RHBDL2: variants seen among roughly 807,000 people sequenced by gnomAD.
RHBDL2 encodes the protein rhomboid-related protein 2.
A neutral mutation model predicts 31.7 loss-of-function variants in RHBDL2; 26 were observed. The observed-to-expected ratio is 0.82, with a 90% CI of 0.60 to 1.14. The LOEUF (loss-of-function observed/expected upper bound fraction) is 1.14. Ranked by LOEUF, RHBDL2 falls within the 50% of genes most tolerant of loss-of-function variation. The pLI is 0.00. For missense variants in RHBDL2, 336 were observed against 364.4 expected, an observed-to-expected ratio of 0.92 and a Z score of 0.63; for synonymous variants, 123 against 127.2, an observed-to-expected ratio of 0.97 and a Z score of 0.22.
chr1:38,910,753 C>CTTTTTTTTTT (rs765064879), intron 4 of RHBDL2, among the ~76,000 whole-genome samples: 28 of 111,058 alleles, frequency 2.5e-4, no homozygotes, highest in African/African-American at 4.0e-4. Flanking sequence ...TATTCCTTTT[C>CTTTTTTTTTT]TTTTTTTTTT....
intron 4 of RHBDL2, among the ~76,000 whole-genome samples, chr1:38,905,659 C>T: frequency 6.8e-6 from 1 of 146,922 alleles, no homozygotes; most frequent in Non-Finnish European, 1.5e-5. Context: ...GGCTGAGACA[C>T]AAGAATTGCT....
intron 4 of RHBDL2, among the ~76,000 whole-genome samples, chr1:38,896,563 C>T (rs1213065046): frequency 6.6e-6 from 1 of 152,144 alleles, no homozygotes; most frequent in East Asian, 1.9e-4. Flanking sequence ...ATTATTTTTG[C>T]ATCAACCTAA....
intron 1 of RHBDL2, among the ~76,000 whole-genome samples, chr1:38,930,106 G>A (rs141203654): frequency 5.3e-5 from 8 of 152,184 alleles, no homozygotes; most frequent in East Asian, 3.9e-4. Context: ...TCCACTCTGC[G>A]TCAAAAGTTT....
chr1:38,923,226 A>C (rs1643337303), intron 1 of RHBDL2, among the ~76,000 whole-genome samples: 1 of 152,258 alleles, frequency 6.6e-6, no homozygotes, highest in African/African-American at 2.4e-5. Context: ...TTAAAAGCAT[A>C]TACCTTTCAA....
chr1:38,888,390 T>A (rs1642813338), intron 6 of RHBDL2, among the ~76,000 whole-genome samples: 1 of 152,088 alleles, frequency 6.6e-6, no homozygotes, highest in Admixed American at 6.6e-5. Context: ...AACAAATAAG[T>A]AAAACATACA....
intron 1 of RHBDL2, among the ~76,000 whole-genome samples, chr1:38,923,369 C>T (rs1048214501): frequency 2.0e-5 from 3 of 152,188 alleles, no homozygotes; most frequent in Non-Finnish European, 4.4e-5. Context: ...TGGACTTCAG[C>T]GGGGTTGCTG....
chr1:38,926,950 G>C (rs1287128956), intron 1 of RHBDL2: 1 of 152,300 alleles, frequency 6.6e-6, no homozygotes, highest in African/African-American at 2.4e-5. Flanking sequence ...AAGATGACAC[G>C]CAAATTCGTG....
chr1:38,922,836 A>G (rs1643331433), intron 1 of RHBDL2, among the ~76,000 whole-genome samples: 1 of 152,200 alleles, frequency 6.6e-6, no homozygotes, highest in Non-Finnish European at 1.5e-5. Flanking sequence ...TCATGCCTGT[A>G]ATACCAGCAC....
At chr1:38,901,831 C>CA (rs1232948264) in intron 4 of RHBDL2, among the ~76,000 whole-genome samples, 2 of 143,304 alleles carry the variant, frequency 1.4e-5, no homozygotes, top group African/African-American at 2.5e-5. Flanking sequence ...GACTCCATCT[C>CA]AAAAAAAATA....
At position 38,941,754 on chromosome 1, in the gene RHBDL2, G is replaced by A. The variant is rs562042687; in HGVS notation, c.-198C>T. The A allele has an allele frequency of 6.6e-6, 1 of 152,628 alleles. No individual in the cohort carries two copies. The highest frequency in any genetic ancestry group is 2.1e-4 in the South Asian group (1 of 4,844). The allele number at this position is 152,628 out of a possible 1,614,324, so 9.5% of individuals were successfully genotyped here. A position where few individuals can be genotyped will look rare whatever the true frequency, so the allele number is the denominator to read the frequency against. ...TGCGTTCCAGGCTTCCTGGGCCAAGGGGTTGCCCGCTGCCCTGAAGATCCC... is the reference window on the plus strand; with the variant it reads ...TGCGTTCCAGGCTTCCTGGGCCAAGAGGTTGCCCGCTGCCCTGAAGATCCC... On this transcript the variant is annotated 5_prime_UTR_variant, in exon 1 of 8. Transcript: ENST00000372990.
chr1:38,908,997 C>T (rs1643105514), intron 4 of RHBDL2, among the ~76,000 whole-genome samples: 1 of 152,208 alleles, frequency 6.6e-6, no homozygotes, highest in African/African-American at 2.4e-5. Context: ...GGCCACTCGG[C>T]AGCCCGGGAT....
intron 3 of RHBDL2, among the ~76,000 whole-genome samples, chr1:38,911,864 T>G (rs1050561057): frequency 6.6e-6 from 1 of 152,010 alleles, no homozygotes; most frequent in Non-Finnish European, 1.5e-5. Context: ...TGGAGTGCAA[T>G]GGCATGATCT....
intron 4 of RHBDL2, among the ~76,000 whole-genome samples, chr1:38,898,567 G>A (rs1209248382): frequency 6.6e-6 from 1 of 152,184 alleles, no homozygotes; most frequent in East Asian, 1.9e-4. Flanking sequence ...AACCCTTAGA[G>A]ACAGGGAATC....
At chr1:38,928,726 A>G (rs1643407140) in intron 1 of RHBDL2, among the ~76,000 whole-genome samples, 1 of 152,232 alleles carries the variant, frequency 6.6e-6, no homozygotes, top group Admixed American at 6.5e-5. Context: ...GATTACAGGC[A>G]TGAACCACTG....
intron 4 of RHBDL2, among the ~76,000 whole-genome samples, chr1:38,901,193 T>C (rs577617653): frequency 6.6e-6 from 1 of 152,062 alleles, no homozygotes; most frequent in African/African-American, 2.4e-5. Context: ...TCGGCTGCAG[T>C]GGCTCACACC....
chr1:38,915,855 C>A, intron 2 of RHBDL2, 145 bp from the exon 3 acceptor site: 1 of 695,932 alleles, frequency 1.4e-6, no homozygotes, highest in East Asian at 2.7e-5. Context: ...AAATACACTT[C>A]TTCACCATCC....
At chr1:38,925,147 C>G (rs944527136) in intron 1 of RHBDL2, among the ~76,000 whole-genome samples, 4 of 152,046 alleles carry the variant, frequency 2.6e-5, no homozygotes, top group African/African-American at 9.7e-5. Flanking sequence ...TTTTTCCAGA[C>G]CTTTCAGATG....
intron 4 of RHBDL2, among the ~76,000 whole-genome samples, chr1:38,897,796 G>A (rs1642939180): frequency 6.6e-6 from 1 of 152,154 alleles, no homozygotes; most frequent in Non-Finnish European, 1.5e-5. Context: ...GAAAAGCAAT[G>A]GCATACAAAC....
At chr1:38,920,895 A>C (rs942172270) in intron 1 of RHBDL2, among the ~76,000 whole-genome samples, 1 of 151,752 alleles carries the variant, frequency 6.6e-6, no homozygotes, top group African/African-American at 2.4e-5. Flanking sequence ...GATTACAGGC[A>C]TGAGCCACCG....
Sources: allele counts gnomAD v4.1 joint callset (sites outside exome capture counted in the v4.1 genomes callset), GRCh38; gene constraint gnomAD v4.1.1; transcripts MANE v1.5; gene names NCBI Gene and HGNC (gene_info 2026-07-23, HGNC 2026-07-21).